LRRC73: variants seen among roughly 807,000 people sequenced by gnomAD.
LRRC73 encodes leucine-rich repeat-containing protein 73.
A neutral mutation model predicts 26.4 loss-of-function variants in LRRC73; 16 were observed. The observed-to-expected ratio is 0.61, with a 90% CI of 0.41 to 0.92. The LOEUF (loss-of-function observed/expected upper bound fraction) is 0.92. Ranked by LOEUF, LRRC73 falls within the 40% of genes least tolerant of loss-of-function variation. The pLI is 0.00. For synonymous variants in LRRC73, 210 were observed against 179.8 expected (o/e 1.17, Z -1.34); for missense variants, 344 against 416.3 (o/e 0.83, Z 1.51).
In LRRC73 at chr6:43,508,238, C is replaced by T. The variant is rs563139593; in HGVS notation, c.556+60G>A. 7.1e-5 allele frequency: 110 copies of T among 1,548,826 alleles called. No homozygotes were observed. The African/African-American group carries it at 1.4e-3, about 20-fold the overall frequency. On this transcript the variant is annotated intron_variant, in intron 3 of 5. Coordinates refer to ENST00000372441, the Ensembl canonical transcript of LRRC73. ...CGGGTTACCATGTCAACTGATGGTCCCAGGCTCTTGGATAGGGCATGAGGC... is the reference window on the plus strand; with the variant it reads ...CGGGTTACCATGTCAACTGATGGTCTCAGGCTCTTGGATAGGGCATGAGGC...
intron 2 of LRRC73, 60 bp downstream of exon 2, chr6:43,508,700 C>T: frequency 6.5e-7 from 1 of 1,542,432 alleles, no homozygotes; most frequent in South Asian, 1.2e-5. Context: ...CCCCTTCCCT[C>T]TGCATTTCGA....
At chr6:43,509,919 CGGCTGTGGCGGA>C (rs1256810378) in exon 1 of LRRC73, 1 of 661,016 alleles carries the variant, frequency 1.5e-6, no homozygotes, top group East Asian at 3.6e-5. Context: ...GTGGAGGCGG[CGGCTGTGGCGGA>C]GGCTGCGGCT....
At chr6:43,509,399 A>T (rs1289851202) in intron 1 of LRRC73, 115 bp downstream of exon 1, 5 of 1,302,718 alleles carry the variant, frequency 3.8e-6, no homozygotes, top group Non-Finnish European at 5.2e-6. Context: ...GTGTATGTGC[A>T]TAAGGCATGT....
chr6:43,507,194 G>C, exon 6 of LRRC73: 2 of 1,604,138 alleles, frequency 1.2e-6, no homozygotes, highest in Non-Finnish European at 1.7e-6. Context: ...CAAGGTGCTC[G>C]GGACATAGAT....
chr6:43,508,666 A>G (rs192880403), intron 2 of LRRC73, 94 bp downstream of exon 2: 5 of 1,492,708 alleles, frequency 3.3e-6, no homozygotes, highest in Non-Finnish European at 4.5e-6. Context: ...TCTCGCCCAC[A>G]TCATCAGAGC....
At chr6:43,507,959 C>T (rs1277197092) in intron 3 of LRRC73, 33 bp from the exon 4 acceptor site, 4 of 1,568,192 alleles carry the variant, frequency 2.6e-6, no homozygotes, top group African/African-American at 2.7e-5. Context: ...CACATTCATA[C>T]ACATGCCTGC....
chr6:43,507,429 G>T, intron 5 of LRRC73, 27 bp downstream of exon 5: 2 of 1,611,614 alleles, frequency 1.2e-6, no homozygotes, highest in Non-Finnish European at 1.7e-6. Flanking sequence ...TCCAGACCTG[G>T]CTCTGATCAA....
exon 6 of LRRC73, chr6:43,507,219 G>T: frequency 6.2e-7 from 1 of 1,613,058 alleles, no homozygotes. Context: ...GAAATGGTGT[G>T]CAGAGGCCCA....
At chr6:43,509,186 G>A (rs767625962) in intron 1 of LRRC73, among the ~76,000 whole-genome samples, 2 of 152,188 alleles carry the variant, frequency 1.3e-5, no homozygotes, top group Non-Finnish European at 2.9e-5. Context: ...CTCTGCAGTG[G>A]GCAGGGCTCT....
chr6:43,509,840 G>GCAA, exon 1 of LRRC73: 1 of 1,402,604 alleles, frequency 7.1e-7, no homozygotes, highest in African/African-American at 1.5e-5. Flanking sequence ...TGGTGGGGCC[G>GCAA]CGGGCGGGGC....
intron 2 of LRRC73, 115 bp from the exon 3 acceptor site, chr6:43,508,535 C>T: frequency 6.6e-7 from 1 of 1,511,264 alleles, no homozygotes; most frequent in Non-Finnish European, 9.0e-7. Flanking sequence ...CACCTTACCC[C>T]CACCATAGAG....
chr6:43,507,338 A>G, intron 5 of LRRC73, 30 bp from the exon 6 acceptor site: 1 of 1,613,258 alleles, frequency 6.2e-7, no homozygotes. Flanking sequence ...TGTTCAGACC[A>G]CCATTCCTTC....
At chr6:43,509,598 A>C in exon 1 of LRRC73, 1 of 1,608,132 alleles carries the variant, frequency 6.2e-7, no homozygotes, top group East Asian at 2.2e-5. Context: ...GCCCAGGTTA[A>C]GGTTGAGCTG....
At chr6:43,507,789 C>T (rs1277551345) in intron 4 of LRRC73, 37 bp downstream of exon 4, 1 of 1,605,234 alleles carries the variant, frequency 6.2e-7, no homozygotes, top group Non-Finnish European at 8.5e-7. Context: ...ACCTCCACCC[C>T]ATCCCCTGGC....
exon 1 of LRRC73, chr6:43,510,059 G>A: frequency 3.8e-6 from 1 of 263,432 alleles, no homozygotes; most frequent in South Asian, 1.5e-4. Context: ...CTGGGGCGGG[G>A]GCGGCCCGCA....
At chr6:43,509,976 AC>A in exon 1 of LRRC73, 1 of 389,144 alleles carries the variant, frequency 2.6e-6, no homozygotes, top group Non-Finnish European at 4.3e-6. Context: ...GAGAAGAGCT[AC>A]CGGGACTGAG....
At position 43,507,012 on chromosome 6, in the gene LRRC73, G is replaced by T. The variant is rs1041056922; in HGVS notation, c.*226C>A. ...TCCGAGCCAGCGGGTTGCAGCCAGA[G>T]CTGCCAAGTTCAAAGGCATTGCCGT... On this transcript the variant is annotated 3_prime_UTR_variant, in exon 6 of 6. Coordinates refer to ENST00000372441, the Ensembl canonical transcript of LRRC73. The T allele has an allele frequency of 3.6e-5, 20 of 561,968 alleles. No homozygotes were observed. In the Middle Eastern group the frequency reaches 1.4e-3, roughly 40 times the overall value. The allele number at this position is 561,968 out of a possible 1,614,324, so 34.8% of individuals were successfully genotyped here.
chr6:43,507,732 G>A (rs371265071), intron 4 of LRRC73, 54 bp from the exon 5 acceptor site: 9 of 1,590,288 alleles, frequency 5.7e-6, no homozygotes, highest in Admixed American at 3.4e-5. Context: ...CAGGTCCTCA[G>A]ACCTCAACCT....
intron 2 of LRRC73, 34 bp downstream of exon 2, chr6:43,508,726 C>T (rs372362733): frequency 1.3e-6 from 2 of 1,568,896 alleles, no homozygotes; most frequent in Non-Finnish European, 1.7e-6. Context: ...ATCACTGCCA[C>T]ACTAGCCCAA....
Sources: allele counts gnomAD v4.1 joint callset (sites outside exome capture counted in the v4.1 genomes callset), GRCh38; gene constraint gnomAD v4.1.1; transcripts MANE v1.5; gene names NCBI Gene and HGNC (gene_info 2026-07-23, HGNC 2026-07-21).